FBXO34: variants seen among roughly 807,000 people sequenced by gnomAD.
FBXO34 encodes F-box only protein 34.
In FBXO34, 12 loss-of-function variants were observed where a neutral mutation model predicts 24.5. That is an observed-to-expected ratio of 0.49 (90% CI 0.31 to 0.79). The LOEUF (loss-of-function observed/expected upper bound fraction) is 0.79. FBXO34 is among the 30% of genes least tolerant of loss of function. The probability of loss-of-function intolerance (pLI) is 0.04; values close to 1 mark genes in which losing one functional copy is unlikely to be tolerated. For missense variants in FBXO34, 823 were observed against 857.7 expected, an observed-to-expected ratio of 0.96 and a Z score of 0.51; for synonymous variants, 320 against 311.9, an observed-to-expected ratio of 1.03 and a Z score of -0.27.
rs757371448 is a variant in FBXO34 at position 55,351,278 on chromosome 14, G to C, written c.888G>C (p.Gln296His). The change falls in exon 2 of 2, where the codon CAG becomes CAC. Residue 296 changes from glutamine to histidine, a missense_variant. By Grantham distance (24) the Gln-to-His change is conservative (BLOSUM62 0). Transcript: ENST00000313833. ...LESECLKRQG[Q>H]REPGSLSRNN... ...CTGAGTGCCTGAAGCGGCAGGGCCAGCGTGAGCCTGGGAGCCTCTCAAGGA... is the reference window on the plus strand; with the variant it reads ...CTGAGTGCCTGAAGCGGCAGGGCCACCGTGAGCCTGGGAGCCTCTCAAGGA... 6.2e-7 allele frequency: 1 copy of C among 1,614,176 alleles called. No individual in the cohort carries two copies. Among genetic ancestry groups the C allele is most frequent in the Non-Finnish European group, 8.5e-7 (1 of 1,180,044 alleles).
chr14:55,284,290 G>C (rs1881675346), intron 1 of FBXO34, among the ~76,000 whole-genome samples: 1 of 152,132 alleles, frequency 6.6e-6, no homozygotes, highest in Admixed American at 6.5e-5. Flanking sequence ...GATGCTCATA[G>C]ATCACCTGAG....
At chr14:55,318,002 A>T (rs1290624792) in intron 1 of FBXO34, among the ~76,000 whole-genome samples, 1 of 152,044 alleles carries the variant, frequency 6.6e-6, no homozygotes, top group East Asian at 1.9e-4. Flanking sequence ...TTTATCTTCT[A>T]CTTTTAATTT....
At chr14:55,435,935 C>T in the FBXO34 span, 4 of 1,557,650 alleles carry the variant, frequency 2.6e-6, no homozygotes, top group South Asian at 1.2e-5. Flanking sequence ...AACTATATTC[C>T]TGAAGAAATA....
chr14:55,382,873 G>A, the FBXO34 span, among the ~76,000 whole-genome samples: 2 of 152,160 alleles, frequency 1.3e-5, no homozygotes, highest in South Asian at 4.2e-4. Flanking sequence ...TACTGATACT[G>A]AATTAGAAAT....
intron 1 of FBXO34, among the ~76,000 whole-genome samples, chr14:55,333,663 G>C (rs1566560504): frequency 1.3e-5 from 2 of 151,022 alleles, no homozygotes; most frequent in South Asian, 4.2e-4. Flanking sequence ...TTCCTTTCTA[G>C]TTTGGGTGTG....
chr14:55,302,335 C>T (rs1243662951), intron 1 of FBXO34, among the ~76,000 whole-genome samples: 3 of 152,022 alleles, frequency 2.0e-5, no homozygotes, highest in Admixed American at 6.6e-5. Flanking sequence ...GGATAATTGT[C>T]ATCTGTTAGT....
intron 1 of FBXO34, among the ~76,000 whole-genome samples, chr14:55,307,090 A>G (rs1051865170): frequency 6.6e-6 from 1 of 152,238 alleles, no homozygotes; most frequent in Non-Finnish European, 1.5e-5. Flanking sequence ...ATTGCTATGT[A>G]TATGTGCTTT....
the FBXO34 span, chr14:55,411,958 G>T: frequency 1.3e-6 from 1 of 777,082 alleles, no homozygotes; most frequent in Non-Finnish European, 2.0e-6. Flanking sequence ...GCGTGTTCCT[G>T]TCCCGGGCAC....
chr14:55,433,566 A>G, the FBXO34 span: 2 of 1,472,592 alleles, frequency 1.4e-6, no homozygotes, highest in Non-Finnish European at 9.5e-7. Context: ...CATTAATTCT[A>G]TGCTTCCTTG....
chr14:55,392,907 A>G, the FBXO34 span, among the ~76,000 whole-genome samples: 1 of 152,258 alleles, frequency 6.6e-6, no homozygotes, highest in Admixed American at 6.5e-5. Flanking sequence ...GAAATATATC[A>G]GATATGACCT....
intron 1 of FBXO34, among the ~76,000 whole-genome samples, chr14:55,278,792 T>A (rs374923520): frequency 3.1e-4 from 47 of 152,272 alleles, no homozygotes; most frequent in African/African-American, 1.1e-3. Context: ...GCTCAAGTGA[T>A]CTTCTCACCT....
Position 55,325,902 on chromosome 14 carries a change from A to G in FBXO34, c.-10-24479A>G, listed in dbSNP as rs919853992. On this transcript the variant is annotated intron_variant, in intron 1 of 1. Transcript: ENST00000313833. ...CTCGTTTCTCAGTTAAAAAACCAAAACTATAGAATGCTTGAATTTTCAGCA... is the reference window on the plus strand; with the variant it reads ...CTCGTTTCTCAGTTAAAAAACCAAAGCTATAGAATGCTTGAATTTTCAGCA... The G allele has an allele frequency of 2.0e-5, 3 of 152,206 alleles. No homozygotes were observed. The East Asian group carries it at 5.8e-4, about 29-fold the overall frequency. 9.4% of individuals were successfully genotyped at this position (152,206 alleles called of 1,614,324 possible). A position where few individuals can be genotyped will look rare whatever the true frequency, so the allele number is the denominator to read the frequency against.
chr14:55,346,814 T>C (rs1311084047), intron 1 of FBXO34, among the ~76,000 whole-genome samples: 2 of 152,134 alleles, frequency 1.3e-5, no homozygotes, highest in African/African-American at 4.8e-5. Context: ...AAAGAAAATA[T>C]CAAGAAAACG....
At chr14:55,332,473 C>T (rs1442208435) in intron 1 of FBXO34, among the ~76,000 whole-genome samples, 1 of 152,152 alleles carries the variant, frequency 6.6e-6, no homozygotes, top group Non-Finnish European at 1.5e-5. Context: ...TGCAGATTAA[C>T]TTCTGTTTTG....
At chr14:55,383,684 G>C in the FBXO34 span, among the ~76,000 whole-genome samples, 2 of 152,146 alleles carry the variant, frequency 1.3e-5, no homozygotes, top group Non-Finnish European at 2.9e-5. Context: ...CAGGTGGACT[G>C]CTTGAGCTCA....
At chr14:55,305,100 A>G (rs1222339454) in intron 1 of FBXO34, among the ~76,000 whole-genome samples, 3 of 152,174 alleles carry the variant, frequency 2.0e-5, no homozygotes, top group Admixed American at 6.5e-5. Flanking sequence ...TGGAATTGCA[A>G]CTGAAAAAGA....
In FBXO34 at chr14:55,351,831, A is replaced by G. The variant is rs1293692323; in HGVS notation, c.1441A>G (p.Met481Val). The G allele has an allele frequency of 4.3e-6, 7 of 1,614,014 alleles. No homozygotes were observed. Among genetic ancestry groups the G allele is most frequent in the Non-Finnish European group, 5.9e-6 (7 of 1,180,030 alleles). ...LNSCEDPVPG[M>V]LFFLPPGQHL... ...CTCCTGTGAAGACCCAGTTCCAGGG[A>G]TGTTGTTTTTTTTGCCACCTGGTCA... Residue 481 changes from methionine (M) to valine (V), a missense_variant, in exon 2 of 2, where the codon ATG (methionine) becomes GTG (valine). This residue lies in a region of FBXO34 where 693 missense variants were observed against 659.1 expected (regional missense o/e 1.05). Transcript: ENST00000313833.
intron 1 of FBXO34, among the ~76,000 whole-genome samples, chr14:55,310,038 T>C (rs78172714): frequency 2.6e-5 from 4 of 152,018 alleles, no homozygotes; most frequent in Non-Finnish European, 5.9e-5. Flanking sequence ...TGAAATAGTT[T>C]GGAAAACTCA....
chr14:55,310,071 C>G (rs1156608916), intron 1 of FBXO34, among the ~76,000 whole-genome samples: 1 of 152,010 alleles, frequency 6.6e-6, no homozygotes, highest in Non-Finnish European at 1.5e-5. Flanking sequence ...TAAGCTGTTT[C>G]AAAAACAAAA....
Sources: gnomAD v4.1 joint callset for allele counts (sites outside exome capture counted in the v4.1 genomes callset) on GRCh38, gnomAD v4.1.1 for gene constraint, gnomAD v4.1.1 regional missense constraint, MANE v1.5 for transcripts, NCBI Gene and HGNC (gene_info 2026-07-23, HGNC 2026-07-21) for gene names.